HDAC2: variants seen among roughly 807,000 people sequenced by gnomAD.
HDAC2 encodes YY1-associated factor 1.
In HDAC2, 5 loss-of-function variants were observed where a neutral mutation model predicts 68.5. The ratio of observed to expected loss-of-function variants is 0.07; its 90% CI spans 0.04 to 0.15. The LOEUF (loss-of-function observed/expected upper bound fraction) is 0.15. Ranked by LOEUF, HDAC2 falls within the 10% of genes least tolerant of loss-of-function variation. The pLI is 1.00. For missense variants in HDAC2, 291 were observed against 600.8 expected (o/e 0.48, Z 5.39); for synonymous variants, 182 against 191.3 (o/e 0.95, Z 0.40).
intron 11 of HDAC2, among the ~76,000 whole-genome samples, chr6:113,944,062 T>G (rs2114590369): frequency 6.6e-6 from 1 of 152,328 alleles, no homozygotes; most frequent in East Asian, 1.9e-4. Flanking sequence ...TTTTGAAAAC[T>G]TTCAATCATA....
Position 113,970,952 on chromosome 6 carries a change from C to T in HDAC2, c.-44G>A, listed in dbSNP as rs1289615798. On this transcript the variant is annotated 5_prime_UTR_variant, in exon 1 of 14. Transcript: ENST00000519065. ...CGCCACCGGGCTCCTCCTCCTGCTG[C>T]TGCTGCTGCTGCTGCTGCCGCCGCG... 1 of 1,557,110 alleles carries T rather than the reference C, an allele frequency of 6.4e-7. No homozygotes were observed.
intron 1 of HDAC2, among the ~76,000 whole-genome samples, chr6:113,966,613 AAAGCTACGTTTTT>A (rs982305811): frequency 5.3e-5 from 8 of 152,116 alleles, no homozygotes; most frequent in African/African-American, 1.9e-4. Context: ...ATTAAAAAAA[AAAGCTACGTTTTT>A]AAATGTAGTT....
chr6:113,958,438 C>A (rs1335631119), intron 3 of HDAC2: 3 of 407,194 alleles, frequency 7.4e-6, no homozygotes, highest in South Asian at 6.9e-5. Context: ...AGAAGAATAC[C>A]CAAACAGCAG....
chr6:113,969,730 T>A (rs917977256), intron 1 of HDAC2: 2 of 152,236 alleles, frequency 1.3e-5, no homozygotes, highest in Non-Finnish European at 2.9e-5. Flanking sequence ...CTCCAAATTA[T>A]AGAATGCTTA....
chr6:113,936,497 T>C lies in HDAC2; in HGVS notation c.*4561A>G, dbSNP rs1776000741. On this transcript the variant is annotated 3_prime_UTR_variant, in exon 14 of 14. Transcript: ENST00000519065. ...AGGCATCAAGATCCCCCCAAAGTTG[T>C]CAAATATTATTCGTATCCTTGCTAA... is the stretch of plus-strand genomic sequence containing the variant. 1 of 152,192 alleles carries C rather than the reference T, an allele frequency of 6.6e-6. No homozygotes were observed. The highest frequency in any genetic ancestry group is 1.5e-5 in the Non-Finnish European group (1 of 68,036). 9.4% of individuals were successfully genotyped at this position (152,192 alleles called of 1,614,324 possible). A position where few individuals can be genotyped will look rare whatever the true frequency, so the allele number is the denominator to read the frequency against.
In HDAC2 at chr6:113,971,119, G is replaced by C; in HGVS notation, c.-211C>G. The C allele has an allele frequency of 6.5e-7, 1 of 1,544,710 alleles. No individual in the cohort carries two copies. ...AGGTGCCGAAAGCTCGGAATCGGAG[G>C]TGGCAGCGGCACCAACTCGCGAGGA... On this transcript the variant is annotated 5_prime_UTR_variant, in exon 1 of 14. Coordinates refer to ENST00000519065, the MANE Select transcript of HDAC2 (RefSeq NM_001527.4).
At chr6:113,959,748 T>A in intron 2 of HDAC2, 158 bp downstream of exon 2, 1 of 531,746 alleles carries the variant, frequency 1.9e-6, no homozygotes, top group South Asian at 2.7e-5. Context: ...CTCATTCTTA[T>A]TCATCTCCTA....
At chr6:113,951,470 CTTTTT>C (rs10715453) in intron 6 of HDAC2, among the ~76,000 whole-genome samples, 1 of 117,210 alleles carries the variant, frequency 8.5e-6, no homozygotes. Flanking sequence ...ACTGTAAAAT[CTTTTT>C]TTTTTTTTTT....
chr6:113,949,464 C>G, intron 6 of HDAC2: 1 of 556,192 alleles, frequency 1.8e-6, no homozygotes, highest in South Asian at 2.4e-5. Context: ...TTATAGACTG[C>G]TTGTAAAGCA....
In HDAC2 at chr6:113,945,960, C is replaced by A. The variant is rs1437835296; in HGVS notation, c.982+48G>T. 3 of 1,440,012 alleles carry A rather than the reference C, an allele frequency of 2.1e-6. No homozygotes were observed. The South Asian group carries it at 3.5e-5, about 17-fold the overall frequency. The allele number at this position is 1,440,012 out of a possible 1,614,324, so 89.2% of individuals were successfully genotyped here. A position where few individuals can be genotyped will look rare whatever the true frequency, so the allele number is the denominator to read the frequency against. Reference sequence around the variant, plus strand: ...AATTGCAACATAATTAGAGGAGCATCTGTATTGACAGTTCATACAATAAAG... The same window carrying A: ...AATTGCAACATAATTAGAGGAGCATATGTATTGACAGTTCATACAATAAAG... On this transcript the variant is annotated intron_variant, in intron 9 of 13. Transcript: ENST00000519065.
intron 5 of HDAC2, among the ~76,000 whole-genome samples, chr6:113,954,624 A>C (rs565231880): frequency 6.6e-6 from 1 of 152,248 alleles, no homozygotes; most frequent in Non-Finnish European, 1.5e-5. Flanking sequence ...ATTAAAAAAC[A>C]AGGCAAATGA....
intron 5 of HDAC2, among the ~76,000 whole-genome samples, chr6:113,954,253 T>A (rs1211044451): frequency 6.6e-6 from 1 of 152,224 alleles, no homozygotes; most frequent in Non-Finnish European, 1.5e-5. Flanking sequence ...AGCATTGTAT[T>A]TATTATATAA....
In HDAC2 at chr6:113,936,239, C is replaced by T. The variant is rs569375128; in HGVS notation, c.*4819G>A. The T allele has an allele frequency of 4.6e-5, 7 of 152,114 alleles. No individual in the cohort carries two copies. The South Asian group carries it at 1.5e-3, about 32-fold the overall frequency. 9.4% of individuals were successfully genotyped at this position (152,114 alleles called of 1,614,324 possible). ...CATGTTGCTCTGCTTGTTACATGGC[C>T]ACCAAGTGACTATAAGAGAAAACAC... is the stretch of plus-strand genomic sequence containing the variant. On this transcript the variant is annotated 3_prime_UTR_variant, in exon 14 of 14. Transcript: ENST00000519065.
Position 113,945,970 on chromosome 6 carries a change from A to C in HDAC2, c.982+38T>G, listed in dbSNP as rs780929143. ...TAATTAGAGGAGCATCTGTATTGAC[A>C]GTTCATACAATAAAGATATTGTAAT... On this transcript the variant is annotated intron_variant, in intron 9 of 13. Coordinates refer to ENST00000519065, the MANE Select transcript of HDAC2 (RefSeq NM_001527.4). 19 of 1,511,256 alleles carry C rather than the reference A, an allele frequency of 1.3e-5. No individual in the cohort carries two copies. The African/African-American group carries it at 2.3e-4, about 19-fold the overall frequency. 93.6% of individuals were successfully genotyped at this position (1,511,256 alleles called of 1,614,324 possible). A position where few individuals can be genotyped will look rare whatever the true frequency, so the allele number is the denominator to read the frequency against.
At chr6:113,958,547 T>C (rs998807070) in intron 3 of HDAC2, 102 bp downstream of exon 3, 9 of 656,166 alleles carry the variant, frequency 1.4e-5, no homozygotes, top group South Asian at 4.0e-5. Flanking sequence ...CTGTAACATA[T>C]TAGACCAACA....
At chr6:113,947,385 G>C (rs564753999) in intron 8 of HDAC2, 13 of 152,246 alleles carry the variant, frequency 8.5e-5, no homozygotes, top group African/African-American at 3.1e-4. Flanking sequence ...CAGCAGATCT[G>C]AAAAAGCTGA....
chr6:113,953,381 G>T lies in HDAC2; in HGVS notation c.535C>A (p.His179Asn). 2 of 1,570,252 alleles carry T rather than the reference G, an allele frequency of 1.3e-6. No homozygotes were observed. Among genetic ancestry groups the T allele is most frequent in the Non-Finnish European group, 1.8e-6 (2 of 1,140,824 alleles). ...QRVLYIDIDI[H>N]HGDGVEEAFY... ...GCTTCTTCAACACCATCACCATGAT[G>T]AATATCTATATCAATATATAAGACT... Residue 179 changes from histidine to asparagine, a missense_variant, in exon 6 of 14, where the codon CAT becomes AAT. This residue lies in a region of HDAC2 where 154 missense variants were observed against 472.1 expected (regional missense o/e 0.33). Coordinates refer to ENST00000519065, the MANE Select transcript of HDAC2 (RefSeq NM_001527.4).
chr6:113,944,183 T>C, intron 11 of HDAC2, 97 bp downstream of exon 11: 4 of 1,042,138 alleles, frequency 3.8e-6, no homozygotes, highest in Non-Finnish European at 5.9e-6. Flanking sequence ...AACAGTGTGC[T>C]CGTGAACATG....
chr6:113,968,197 T>C (rs986389754), intron 1 of HDAC2: 3 of 152,170 alleles, frequency 2.0e-5, no homozygotes, highest in Non-Finnish European at 4.4e-5. Context: ...CTTCCGTCCT[T>C]TTCTTTTTCA....
Sources: allele counts gnomAD v4.1 joint callset (sites outside exome capture counted in the v4.1 genomes callset), GRCh38; gene constraint gnomAD v4.1.1; regional missense constraint gnomAD v4.1.1; transcripts MANE v1.5; gene names NCBI Gene and HGNC (gene_info 2026-07-23, HGNC 2026-07-21).